BRD10: variants seen among roughly 807,000 people sequenced by gnomAD.
BRD10 encodes uncharacterized bromodomain-containing protein 10.
At chr9:5,907,060 C>A in the BRD10 span, 6 of 1,054,966 alleles carry the variant, frequency 5.7e-6, no homozygotes, top group Admixed American at 1.1e-4. Flanking sequence ...CAAGTGAATA[C>A]AATTATTTCC....
At chr9:5,992,559 C>T in the BRD10 span, among the ~76,000 whole-genome samples, 2 of 152,070 alleles carry the variant, frequency 1.3e-5, no homozygotes, top group Non-Finnish European at 2.9e-5. Flanking sequence ...ATAGCTCTCC[C>T]GTTGCAAAAA....
chr9:5,952,633 G>T, the BRD10 span, among the ~76,000 whole-genome samples: 1 of 152,210 alleles, frequency 6.6e-6, no homozygotes, highest in African/African-American at 2.4e-5. Flanking sequence ...TATGCAGCCT[G>T]TGCTACTTAA....
chr9:6,007,534 A>G, the BRD10 span: 1 of 1,613,092 alleles, frequency 6.2e-7, no homozygotes, highest in Non-Finnish European at 8.5e-7. Context: ...CTCGCCCAGG[A>G]TGCGGTAGCC....
chr9:5,916,532 T>C, the BRD10 span, among the ~76,000 whole-genome samples: 2 of 150,416 alleles, frequency 1.3e-5, no homozygotes, highest in African/African-American at 2.4e-5. Flanking sequence ...TGTGTATATA[T>C]ATGTATATAT....
At chr9:5,906,365 A>G in the BRD10 span, among the ~76,000 whole-genome samples, 7 of 151,794 alleles carry the variant, frequency 4.6e-5, no homozygotes, top group Admixed American at 4.6e-4. Flanking sequence ...AAAGAAAAAA[A>G]AAGTTTTTAT....
the BRD10 span, chr9:5,988,585 T>C: frequency 6.6e-7 from 1 of 1,504,452 alleles, no homozygotes; most frequent in South Asian, 1.1e-5. Context: ...TCAAATCTTC[T>C]GGATAAGCAA....
At chr9:5,988,281 A>G in the BRD10 span, 1 of 1,240,050 alleles carries the variant, frequency 8.1e-7, no homozygotes, top group Non-Finnish European at 1.2e-6. Context: ...ATGGGCCCAG[A>G]AATCTGATAT....
At chr9:5,978,397 A>G in the BRD10 span, among the ~76,000 whole-genome samples, 1 of 151,862 alleles carries the variant, frequency 6.6e-6, no homozygotes. Context: ...TTTAGTAAAA[A>G]AAAAAAAAAA....
At chr9:5,959,424 A>T in the BRD10 span, among the ~76,000 whole-genome samples, 1 of 152,176 alleles carries the variant, frequency 6.6e-6, no homozygotes, top group South Asian at 2.1e-4. Flanking sequence ...AATAATAGTA[A>T]TATTTATTTT....
chr9:5,999,389 C>T, the BRD10 span, among the ~76,000 whole-genome samples: 1 of 151,982 alleles, frequency 6.6e-6, no homozygotes, highest in Admixed American at 6.6e-5. Flanking sequence ...ATATAATCAC[C>T]AGACCTAAAA....
At chr9:5,988,968 T>C in the BRD10 span, among the ~76,000 whole-genome samples, 2 of 152,112 alleles carry the variant, frequency 1.3e-5, no homozygotes, top group African/African-American at 2.4e-5. Flanking sequence ...CAGTGGCTCA[T>C]GCCTGCAATC....
the BRD10 span, among the ~76,000 whole-genome samples, chr9:5,950,817 A>G: frequency 2.6e-5 from 4 of 152,152 alleles, no homozygotes; most frequent in Non-Finnish European, 5.9e-5. Flanking sequence ...GTATCTGCAT[A>G]TAACACATCC....
chr9:5,966,132 T>G, the BRD10 span, among the ~76,000 whole-genome samples: 1 of 152,280 alleles, frequency 6.6e-6, no homozygotes, highest in East Asian at 1.9e-4. Flanking sequence ...AGTGTATTCT[T>G]TTCTTCTATT....
At chr9:5,922,202 G>C in the BRD10 span, 1 of 1,613,858 alleles carries the variant, frequency 6.2e-7, no homozygotes, top group African/African-American at 1.3e-5. Context: ...CTCTTGCTTT[G>C]CTTCAGAAGA....
the BRD10 span, among the ~76,000 whole-genome samples, chr9:5,973,877 G>C: frequency 3.3e-5 from 5 of 152,118 alleles, no homozygotes; most frequent in Non-Finnish European, 7.4e-5. Flanking sequence ...GCAAGACCCT[G>C]TCTCAAAAAA....
the BRD10 span, among the ~76,000 whole-genome samples, chr9:5,924,267 T>C: frequency 6.6e-6 from 1 of 151,890 alleles, no homozygotes; most frequent in Non-Finnish European, 1.5e-5. Flanking sequence ...CTCCTAGAAA[T>C]GTAATAATGA....
At chr9:6,008,451 A>C in the BRD10 span, among the ~76,000 whole-genome samples, 1 of 151,572 alleles carries the variant, frequency 6.6e-6, no homozygotes, top group Admixed American at 6.6e-5. Flanking sequence ...GCAAAGAAAG[A>C]GGCCCTGTCG....
At chr9:6,004,090 C>A in the BRD10 span, among the ~76,000 whole-genome samples, 3 of 152,156 alleles carry the variant, frequency 2.0e-5, no homozygotes, top group Non-Finnish European at 4.4e-5. Flanking sequence ...TAGTAATATT[C>A]AACTCCTTCA....
chr9:5,886,786 G>A, the BRD10 span, among the ~76,000 whole-genome samples: 1 of 152,220 alleles, frequency 6.6e-6, no homozygotes, highest in Admixed American at 6.5e-5. Context: ...CCGGGAAACA[G>A]GATGTGGTAG....
Sources: gnomAD v4.1 joint callset for allele counts (sites outside exome capture counted in the v4.1 genomes callset) on GRCh38, gnomAD v4.1.1 for gene constraint, MANE v1.5 for transcripts, NCBI Gene and HGNC (gene_info 2026-07-23, HGNC 2026-07-21) for gene names.